UBA5: variants seen among roughly 807,000 people sequenced by gnomAD.
UBA5 encodes ubiquitin like modifier activating enzyme 5.
In UBA5, 28 loss-of-function variants were observed where a neutral mutation model predicts 52.9. That is an observed-to-expected ratio of 0.53 (90% CI 0.39 to 0.73). UBA5 has a LOEUF of 0.73. UBA5 is among the 30% of genes least tolerant of loss of function. The pLI is 0.00. For missense variants in UBA5, 388 were observed against 492.7 expected (o/e 0.79, Z 2.01); for synonymous variants, 135 against 162.1 (o/e 0.83, Z 1.27).
intron 8 of UBA5, among the ~76,000 whole-genome samples, chr3:132,674,949 G>A (rs1437722727): frequency 6.6e-6 from 1 of 152,020 alleles, no homozygotes; most frequent in Non-Finnish European, 1.5e-5. Context: ...AGTTGTTGAC[G>A]TGTAATTGTT....
chr3:132,657,866 CTTTTTTTTTT>C (rs56190801), upstream of UBA5, among the ~76,000 whole-genome samples: 5,531 of 119,240 alleles, frequency 0.046, 376 homozygotes, highest in African/African-American at 0.16. Flanking sequence ...ACACATATTC[CTTTTTTTTTT>C]TTTTTTTTTT....
At chr3:132,659,924 T>A, upstream of UBA5, 2 of 710,036 alleles carry the variant, frequency 2.8e-6, no homozygotes, top group Non-Finnish European at 4.3e-6. Flanking sequence ...GCCCGCTGAA[T>A]CCCGAGGTTT....
rs544642810 is a variant in UBA5 at position 132,678,928 on chromosome 3, G to T, written c.*2402G>T. On this transcript the variant is annotated 3_prime_UTR_variant, in exon 12 of 12. Coordinates refer to ENST00000356232, the MANE Select transcript of UBA5 (RefSeq NM_024818.6). Reference sequence around the variant, plus strand: ...GCCTCCCAAAGTGCTGGGATTATAGGTGTGAGCCACCACGCCCAGCCAAGA... The same window carrying T: ...GCCTCCCAAAGTGCTGGGATTATAGTTGTGAGCCACCACGCCCAGCCAAGA... 1.4e-3 allele frequency among the ~76,000 whole-genome samples: 219 copies of T among 152,154 alleles called. No individual in the cohort carries two copies. The highest frequency in any genetic ancestry group is 5.0e-3 in the African/African-American group (208 of 41,514).
rs1436575655 is a variant in UBA5, at chr3:132,671,476, A to AT, written c.580-293dup. Among the ~76,000 whole-genome samples, 6 of 151,972 alleles carry AT rather than the reference A, an allele frequency of 3.9e-5. No individual in the cohort carries two copies. The East Asian group carries it at 5.8e-4, about 15-fold the overall frequency. On this transcript the variant is annotated intron_variant, in intron 6 of 11. Coordinates refer to ENST00000356232, the MANE Select transcript of UBA5 (RefSeq NM_024818.6). ...TTAACTTTTCAGATGATATTTTGGC[A>AT]TTTTTTTTGTTCCTGCAATGATTTT... is the stretch of plus-strand genomic sequence containing the variant.
At chr3:132,671,542 T>C (rs1938602000) in intron 6 of UBA5, among the ~76,000 whole-genome samples, 1 of 152,188 alleles carries the variant, frequency 6.6e-6, no homozygotes, top group Non-Finnish European at 1.5e-5. Context: ...AGAAATCCAA[T>C]AAACTTTGAT....
intron 6 of UBA5, 83 bp downstream of exon 6, chr3:132,671,132 A>G: frequency 8.4e-7 from 1 of 1,190,552 alleles, no homozygotes; most frequent in African/African-American, 1.5e-5. Flanking sequence ...CCCCATCCTA[A>G]AAACAGTTCT....
Position 132,676,719 on chromosome 3 carries a change from G to A in UBA5, c.*193G>A, listed in dbSNP as rs1453151178. ...ACGAAATCATTAACTCTCCTAAAAT[G>A]TGTTTCATTCTAGTAAGAAAACCTC... On this transcript the variant is annotated 3_prime_UTR_variant, in exon 12 of 12. Transcript: ENST00000356232. The surrounding 1 kb of genome is among the most constrained non-coding windows in gnomAD (Gnocchi z 4.1). 9.8e-6 allele frequency: 6 copies of A among 612,480 alleles called. No homozygotes were observed. The Admixed American group carries it at 1.1e-4, about 11-fold the overall frequency. 37.9% of individuals were successfully genotyped at this position (612,480 alleles called of 1,614,324 possible).
At chr3:132,661,126 A>G in intron 1 of UBA5, 2 of 1,178,864 alleles carry the variant, frequency 1.7e-6, no homozygotes, top group Non-Finnish European at 2.2e-6. Flanking sequence ...GGTTAGCTCT[A>G]TTCTGAGATA....
At chr3:132,664,027 G>A (rs2107928649) in intron 1 of UBA5, among the ~76,000 whole-genome samples, 1 of 152,276 alleles carries the variant, frequency 6.6e-6, no homozygotes, top group East Asian at 1.9e-4. Context: ...GGAGAAAGAA[G>A]ATAAAGGACA....
At position 132,670,225 on chromosome 3, in the gene UBA5, A is replaced by G. The variant is rs200764667; in HGVS notation, c.435A>G (p.Glu145=). 4.0e-5 allele frequency: 61 copies of G among 1,506,354 alleles called. No individual in the cohort carries two copies. In the Admixed American group the frequency reaches 4.9e-4, roughly 12 times the overall value. The allele number at this position is 1,506,354 out of a possible 1,614,324, so 93.3% of individuals were successfully genotyped here. The change falls in exon 5 of 12, where the codon GAA becomes GAG. Residue 145 remains glutamate, a synonymous_variant. Transcript: ENST00000356232. Reference sequence around the variant, plus strand: ...ACATTAATCCTGATGTTCTTTTTGAAGTACACAACTATAATATAACCACAG... The same window carrying G: ...ACATTAATCCTGATGTTCTTTTTGAGGTACACAACTATAATATAACCACAG... ...LRNINPDVLF[E]VHNYNITTVE...
intron 8 of UBA5, 53 bp from the exon 9 acceptor site, chr3:132,675,195 A>G: frequency 7.5e-7 from 1 of 1,330,920 alleles, no homozygotes; most frequent in South Asian, 1.3e-5. Flanking sequence ...TAGGTGTTCT[A>G]GTATTTTTCA....
intron 8 of UBA5, among the ~76,000 whole-genome samples, chr3:132,673,241 C>G (rs1938681861): frequency 6.6e-6 from 1 of 152,162 alleles, no homozygotes; most frequent in Non-Finnish European, 1.5e-5. Context: ...TCCTATTTAG[C>G]TAGCCCCTCT....
Position 132,668,921 on chromosome 3 carries a change from C to T in UBA5, c.401C>T (p.Thr134Ile), listed in dbSNP as rs754212715. Residue 134 changes from threonine to isoleucine, a missense_variant, in exon 4 of 12, where the codon ACT becomes ATT. Around this residue, in one of 3 missense-constraint regions of UBA5, gnomAD observed 277 missense variants for 326.4 expected, o/e 0.85. Transcript: ENST00000356232. ...AGTAAAGTTCAAGCAGCAGAACATACTCTGAGGTAAATGGAATAGCAATCA... is the reference window on the plus strand; with the variant it reads ...AGTAAAGTTCAAGCAGCAGAACATATTCTGAGGTAAATGGAATAGCAATCA... ...GLSKVQAAEH[T>I]LRNINPDVLF... is the part of the protein sequence containing the mutation. 1 of 1,592,992 alleles carries T rather than the reference C, an allele frequency of 6.3e-7. No homozygotes were observed. Among genetic ancestry groups the T allele is most frequent in the South Asian group, 1.1e-5 (1 of 87,732 alleles).
chr3:132,663,977 A>C (rs1484447604), intron 1 of UBA5, among the ~76,000 whole-genome samples: 1 of 152,206 alleles, frequency 6.6e-6, no homozygotes, highest in Non-Finnish European at 1.5e-5. Context: ...GAAAGAAATC[A>C]TCCAGAGAAT....
At chr3:132,673,941 C>T (rs1174459965) in intron 8 of UBA5, among the ~76,000 whole-genome samples, 2 of 152,170 alleles carry the variant, frequency 1.3e-5, no homozygotes, top group African/African-American at 2.4e-5. Context: ...CTAGGAGTTA[C>T]AGGCATGAGC....
upstream of UBA5, among the ~76,000 whole-genome samples, chr3:132,659,195 GTCATTAACTCAGCCTCCC>G (rs1937990763): frequency 6.6e-6 from 1 of 152,118 alleles, no homozygotes; most frequent in Non-Finnish European, 1.5e-5. Flanking sequence ...TCCATCTGGT[GTCATTAACTCAGCCTCCC>G]GGAATACGGC....
rs1938856062 is a variant in UBA5 at position 132,676,730 on chromosome 3, T to C, written c.*204T>C. ...AACTCTCCTAAAATGTGTTTCATTC[T>C]AGTAAGAAAACCTCAAAGGATATTG... On this transcript the variant is annotated 3_prime_UTR_variant, in exon 12 of 12. Transcript: ENST00000356232. The surrounding 1 kb of genome is among the most constrained non-coding windows in gnomAD (Gnocchi z 4.1). The C allele has an allele frequency of 4.9e-6, 3 of 608,280 alleles. No individual in the cohort carries two copies. The highest frequency in any genetic ancestry group is 4.7e-5 in the South Asian group (3 of 63,520). The allele number at this position is 608,280 out of a possible 1,614,324, so 37.7% of individuals were successfully genotyped here.
chr3:132,667,714 C>A (rs188976704), intron 3 of UBA5: 1 of 152,056 alleles, frequency 6.6e-6, no homozygotes, highest in Non-Finnish European at 1.5e-5. Context: ...AAGATACAGG[C>A]CTAAAAAGTG....
upstream of UBA5, among the ~76,000 whole-genome samples, chr3:132,657,500 A>G (rs1937870407): frequency 6.6e-6 from 1 of 152,230 alleles, no homozygotes; most frequent in African/African-American, 2.4e-5. Context: ...ATTGCTTTGA[A>G]TCAATAGATC....
Sources: gnomAD v4.1 joint callset for allele counts (sites outside exome capture counted in the v4.1 genomes callset) on GRCh38, gnomAD v4.1.1 for gene constraint, gnomAD v4.1.1 regional missense constraint, Gnocchi (gnomAD v3.1) non-coding constraint, MANE v1.5 for transcripts, NCBI Gene and HGNC (gene_info 2026-07-23, HGNC 2026-07-21) for gene names.